Variants in PRKG1 observed in about 807,000 individuals in gnomAD.
The protein encoded by PRKG1 is protein kinase cGMP-dependent 1, also known as cGMP-dependent protein kinase 1.
PRKG1 carries 35 observed loss-of-function variants against 88.1 expected under a neutral mutation model. The observed-to-expected ratio is 0.40, with a 90% confidence interval of 0.30 to 0.53. The LOEUF (loss-of-function observed/expected upper bound fraction) is 0.53, where lower values mean the gene tolerates loss of function less well. Ranked by LOEUF, PRKG1 falls within the 20% of genes least tolerant of loss-of-function variation. The pLI is 0.59. For missense variants in PRKG1, 540 were observed against 839.8 expected (o/e 0.64, Z 4.41); for synonymous variants, 303 against 292.5 (o/e 1.04, Z -0.37).
chr10:51,455,890 C>A (rs569146132), intron 2 of PRKG1, among the ~76,000 whole-genome samples: 94 of 152,332 alleles, frequency 6.2e-4, no homozygotes, highest in Middle Eastern at 6.8e-3. Context: ...GCTGTTCCAA[C>A]CTCTGCCTGT....
At chr10:51,318,320 T>C (rs1841372271) in intron 2 of PRKG1, among the ~76,000 whole-genome samples, 2 of 152,164 alleles carry the variant, frequency 1.3e-5, no homozygotes, top group Admixed American at 1.3e-4. Context: ...TCTAGGGATG[T>C]AAAATGAGGA....
intron 3 of PRKG1, among the ~76,000 whole-genome samples, chr10:51,650,392 C>T (rs894482964): frequency 6.6e-6 from 1 of 152,272 alleles, no homozygotes; most frequent in South Asian, 2.1e-4. Flanking sequence ...ATATCCCCTA[C>T]ATACTAAGCA....
At chr10:51,465,237 A>T (rs1839871119) in intron 2 of PRKG1, among the ~76,000 whole-genome samples, 1 of 152,148 alleles carries the variant, frequency 6.6e-6, no homozygotes, top group Non-Finnish European at 1.5e-5. Context: ...CTAAAACAAT[A>T]GTCCTGATGT....
At chr10:51,437,119 C>A (rs1035745173) in intron 2 of PRKG1, among the ~76,000 whole-genome samples, 1 of 151,920 alleles carries the variant, frequency 6.6e-6, no homozygotes, top group East Asian at 1.9e-4. Flanking sequence ...TCTTATCTTT[C>A]CCCTTGAAGT....
intron 10 of PRKG1, among the ~76,000 whole-genome samples, chr10:52,254,462 A>C (rs372767303): frequency 6.6e-6 from 1 of 152,168 alleles, no homozygotes; most frequent in East Asian, 1.9e-4. Flanking sequence ...AGATAATACC[A>C]TAAGTTACAC....
intron 3 of PRKG1, among the ~76,000 whole-genome samples, chr10:51,479,598 A>G (rs1023932681): frequency 1.3e-5 from 2 of 151,798 alleles, no homozygotes; most frequent in African/African-American, 4.8e-5. Flanking sequence ...CATTTTTGCT[A>G]TTAAAAAATT....
chr10:51,609,294 C>A (rs2132240781), intron 3 of PRKG1, among the ~76,000 whole-genome samples: 1 of 152,248 alleles, frequency 6.6e-6, no homozygotes, highest in South Asian at 2.1e-4. Flanking sequence ...CTTACCAGAG[C>A]AACTTTTATT....
At chr10:51,402,460 A>C (rs1170439578) in intron 2 of PRKG1, among the ~76,000 whole-genome samples, 1 of 152,210 alleles carries the variant, frequency 6.6e-6, no homozygotes, top group Non-Finnish European at 1.5e-5. Flanking sequence ...TTTGTGTTGC[A>C]TAGTCAGACA....
At chr10:51,900,519 G>A (rs1454064437) in intron 4 of PRKG1, among the ~76,000 whole-genome samples, 6 of 152,184 alleles carry the variant, frequency 3.9e-5, no homozygotes, top group East Asian at 3.9e-4. Flanking sequence ...ACTGAGTTAT[G>A]CAAAATTTCC....
intron 5 of PRKG1, among the ~76,000 whole-genome samples, chr10:52,029,411 G>C (rs1420234456): frequency 6.6e-6 from 1 of 152,136 alleles, no homozygotes; most frequent in Non-Finnish European, 1.5e-5. Context: ...CAGTAAACAT[G>C]AAAGTACTAT....
intron 3 of PRKG1, among the ~76,000 whole-genome samples, chr10:51,571,750 A>G (rs1333477400): frequency 6.6e-6 from 1 of 151,916 alleles, no homozygotes; most frequent in African/African-American, 2.4e-5. Flanking sequence ...ATTATAGTTC[A>G]TAATGGGGGA....
chr10:51,906,720 T>C (rs1336562662), intron 4 of PRKG1, among the ~76,000 whole-genome samples: 2 of 152,200 alleles, frequency 1.3e-5, no homozygotes, highest in Non-Finnish European at 2.9e-5. Context: ...AGACTCTTAG[T>C]TAATTCTCTG....
intron 3 of PRKG1, among the ~76,000 whole-genome samples, chr10:51,528,209 T>C (rs1374872980): frequency 6.6e-6 from 1 of 152,204 alleles, no homozygotes; most frequent in Admixed American, 6.5e-5. Context: ...ACTAATCTCA[T>C]TGTGTTTATT....
chr10:51,964,844 A>G (rs1843529805), intron 5 of PRKG1, among the ~76,000 whole-genome samples: 1 of 152,192 alleles, frequency 6.6e-6, no homozygotes, highest in Admixed American at 6.5e-5. Flanking sequence ...TCACTTGTAA[A>G]TAAACCTGAG....
intron 7 of PRKG1, among the ~76,000 whole-genome samples, chr10:52,111,407 C>T (rs918758621): frequency 6.6e-6 from 1 of 152,158 alleles, no homozygotes; most frequent in African/African-American, 2.4e-5. Context: ...CATTTTTACT[C>T]AGTATTATAG....
At chr10:52,211,833 A>T (rs1156569912) in intron 9 of PRKG1, among the ~76,000 whole-genome samples, 1 of 152,074 alleles carries the variant, frequency 6.6e-6, no homozygotes, top group Non-Finnish European at 1.5e-5. Flanking sequence ...ATCTGTGGCA[A>T]TTCTACCCCT....
At chr10:51,509,661 C>G (rs1052795672) in intron 3 of PRKG1, among the ~76,000 whole-genome samples, 1 of 152,188 alleles carries the variant, frequency 6.6e-6, no homozygotes, top group African/African-American at 2.4e-5. Context: ...AGGCAGGAGC[C>G]TAGCCAGCAG....
chr10:51,582,652 G>A (rs1838070200), intron 3 of PRKG1, among the ~76,000 whole-genome samples: 1 of 149,662 alleles, frequency 6.7e-6, no homozygotes, highest in Non-Finnish European at 1.5e-5. Flanking sequence ...TTTTATGGCT[G>A]CATAATACTC....
At chr10:51,267,305 C>T (rs1431374136) in intron 2 of PRKG1, among the ~76,000 whole-genome samples, 1 of 151,850 alleles carries the variant, frequency 6.6e-6, no homozygotes, top group African/African-American at 2.4e-5. Flanking sequence ...ATTTTGTGAC[C>T]CGATTTTTGT....
Sources: allele counts gnomAD v4.1 joint callset (sites outside exome capture counted in the v4.1 genomes callset), GRCh38; gene constraint gnomAD v4.1.1; transcripts MANE v1.5; gene names NCBI Gene and HGNC (gene_info 2026-07-23, HGNC 2026-07-21).